The following NTRK2 variants were observed in gnomAD, a reference collection of about 807,000 sequenced individuals.
NTRK2 encodes neurotrophic receptor tyrosine kinase 2, also known as BDNF/NT-3 growth factors receptor.
A neutral mutation model predicts 94.5 loss-of-function variants in NTRK2; 13 were observed. The ratio of observed to expected loss-of-function variants is 0.14; its 90% CI spans 0.09 to 0.22. NTRK2 has a LOEUF of 0.22. Among genes scored for constraint, NTRK2 ranks in the 10% least tolerant of loss-of-function variants. The pLI is 1.00. For missense variants in NTRK2, 639 were observed against 1,071.2 expected (o/e 0.60, Z 5.63); for synonymous variants, 372 against 407.4 (o/e 0.91, Z 1.05).
chr9:84,689,445 G>C (rs572050611), intron 2 of NTRK2, among the ~76,000 whole-genome samples: 1 of 152,216 alleles, frequency 6.6e-6, no homozygotes, highest in African/African-American at 2.4e-5. Flanking sequence ...TGATGGTCCT[G>C]GTCTATTTTA....
intron 9 of NTRK2, among the ~76,000 whole-genome samples, chr9:84,732,923 A>G (rs558155042): frequency 6.6e-6 from 1 of 152,318 alleles, no homozygotes; most frequent in African/African-American, 2.4e-5. Flanking sequence ...TCCTAACTCC[A>G]GGAAAGTACT....
At chr9:84,889,702 T>C (rs992717688) in intron 14 of NTRK2, among the ~76,000 whole-genome samples, 1 of 152,242 alleles carries the variant, frequency 6.6e-6, no homozygotes, top group Non-Finnish European at 1.5e-5. Flanking sequence ...CATAAGCCAC[T>C]GTGCCCGGCC....
intron 12 of NTRK2, among the ~76,000 whole-genome samples, chr9:84,760,096 C>T (rs2065417131): frequency 6.6e-6 from 1 of 152,096 alleles, no homozygotes; most frequent in Non-Finnish European, 1.5e-5. Flanking sequence ...AGTCTTCAAC[C>T]CAAGGAACAT....
intron 2 of NTRK2, among the ~76,000 whole-genome samples, chr9:84,697,593 G>C (rs2060463540): frequency 6.6e-6 from 1 of 152,236 alleles, no homozygotes; most frequent in Admixed American, 6.5e-5. Flanking sequence ...CCCTGACCTG[G>C]CACTTCCTCT....
At chr9:84,905,636 A>T (rs1444826323) in intron 14 of NTRK2, among the ~76,000 whole-genome samples, 1 of 152,218 alleles carries the variant, frequency 6.6e-6, no homozygotes, top group Non-Finnish European at 1.5e-5. Context: ...CTAGATTGCT[A>T]TGTAAAAGTA....
At chr9:84,763,811 T>C (rs2065805433) in intron 12 of NTRK2, among the ~76,000 whole-genome samples, 1 of 152,060 alleles carries the variant, frequency 6.6e-6, no homozygotes, top group South Asian at 2.1e-4. Context: ...CCAAGATCAA[T>C]TCAAAGTTCA....
intron 15 of NTRK2, among the ~76,000 whole-genome samples, chr9:84,941,182 A>G (rs568622143): frequency 2.4e-4 from 36 of 152,224 alleles, no homozygotes; most frequent in Middle Eastern, 6.8e-3. Context: ...CTAGATTTCT[A>G]TTGTTCTTTG....
chr9:84,862,801 G>A (rs186333021), intron 13 of NTRK2, among the ~76,000 whole-genome samples: 13 of 152,280 alleles, frequency 8.5e-5, no homozygotes, highest in Admixed American at 8.5e-4. Context: ...TTCCAGGTAA[G>A]GAACTGGGGA....
At chr9:84,759,330 A>T (rs2065348174) in intron 12 of NTRK2, among the ~76,000 whole-genome samples, 3 of 152,230 alleles carry the variant, frequency 2.0e-5, no homozygotes, top group Admixed American at 2.0e-4. Flanking sequence ...CAACATATTG[A>T]AAATGTGTGT....
In NTRK2 at chr9:84,955,449, G is replaced by C. The variant is rs1490499624; in HGVS notation, c.2104G>C (p.Glu702Gln). 6.2e-7 allele frequency: 1 copy of C among 1,614,262 alleles called. No homozygotes were observed. Residue 702 changes from glutamate to glutamine, a missense_variant, in exon 17 of 19, where the codon GAG (glutamate) becomes CAG (glutamine). By Grantham distance (29) the Glu-to-Gln change is conservative (BLOSUM62 2). Transcript: ENST00000277120. ...DLATRNCLVG[E>Q]NLLVKIGDFG... ...GGCCACCAGGAACTGCCTGGTCGGGGAGAACTTGCTGGTGAAAATCGGGGA... is the reference window on the plus strand; with the variant it reads ...GGCCACCAGGAACTGCCTGGTCGGGCAGAACTTGCTGGTGAAAATCGGGGA...
At chr9:84,701,646 T>A (rs1189513501) in intron 2 of NTRK2, among the ~76,000 whole-genome samples, 1 of 152,054 alleles carries the variant, frequency 6.6e-6, no homozygotes, top group Non-Finnish European at 1.5e-5. Context: ...AAGGAGGAGA[T>A]GCTGGGCCAG....
At chr9:84,882,717 T>TGTGTGTGCGCGCGC (rs1554762198) in intron 14 of NTRK2, among the ~76,000 whole-genome samples, 2 of 143,946 alleles carry the variant, frequency 1.4e-5, no homozygotes, top group Non-Finnish European at 3.0e-5. Context: ...TGTGTGTGTG[T>TGTGTGTGCGCGCGC]GTGCGCGCGC....
intron 14 of NTRK2, among the ~76,000 whole-genome samples, chr9:84,867,798 T>C (rs1170544763): frequency 1.3e-5 from 2 of 152,192 alleles, no homozygotes; most frequent in African/African-American, 4.8e-5. Flanking sequence ...ATGAATGTAA[T>C]TTAAATTTAG....
At chr9:84,812,028 C>T in intron 12 of NTRK2, 1 of 1,057,028 alleles carries the variant, frequency 9.5e-7, no homozygotes, top group Non-Finnish European at 1.1e-6. Context: ...GACGCCATAG[C>T]TGGATTGGAA....
chr9:84,949,714 C>T (rs1459283645), intron 16 of NTRK2, among the ~76,000 whole-genome samples: 2 of 152,134 alleles, frequency 1.3e-5, no homozygotes, highest in East Asian at 3.9e-4. Context: ...GATCTGCCTC[C>T]CTTAGCCTCC....
At chr9:84,716,021 G>A (rs2061690321) in intron 6 of NTRK2, among the ~76,000 whole-genome samples, 1 of 152,118 alleles carries the variant, frequency 6.6e-6, no homozygotes, top group African/African-American at 2.4e-5. Flanking sequence ...TTTAAGAAAG[G>A]CAGTATTCCT....
intron 14 of NTRK2, among the ~76,000 whole-genome samples, chr9:84,905,602 TA>T (rs1211003314): frequency 1.3e-5 from 2 of 152,212 alleles, no homozygotes; most frequent in African/African-American, 4.8e-5. Flanking sequence ...CATGAAATTT[TA>T]GGTGTATACT....
intron 13 of NTRK2, among the ~76,000 whole-genome samples, chr9:84,864,722 C>T (rs2075497276): frequency 6.9e-6 from 1 of 144,466 alleles, no homozygotes; most frequent in African/African-American, 2.6e-5. Flanking sequence ...CTTAGCATAA[C>T]ACATCTTAAT....
chr9:84,954,565 TG>T (rs140124697), intron 16 of NTRK2, among the ~76,000 whole-genome samples: 291 of 152,320 alleles, frequency 1.9e-3, no homozygotes, highest in African/African-American at 6.9e-3. Flanking sequence ...CCATAGCCTG[TG>T]TTGAGCGGAG....
Sources: gnomAD v4.1 joint callset for allele counts (sites outside exome capture counted in the v4.1 genomes callset) on GRCh38, gnomAD v4.1.1 for gene constraint, MANE v1.5 for transcripts, NCBI Gene and HGNC (gene_info 2026-07-23, HGNC 2026-07-21) for gene names.